IL1RN: variants seen among roughly 807,000 people sequenced by gnomAD.
The protein encoded by IL1RN is interleukin-1 receptor antagonist protein.
Under a neutral mutation model 13.7 loss-of-function variants are expected in IL1RN, and 10 were observed. The ratio of observed to expected loss-of-function variants is 0.73; its 90% confidence interval spans 0.45 to 1.24. IL1RN has a LOEUF of 1.24. IL1RN is among the 50% of genes most tolerant of loss of function. IL1RN has a pLI of 0.00. For synonymous variants in IL1RN, 102 were observed against 82.7 expected (o/e 1.23, Z -1.27); for missense variants, 213 against 222.1 (o/e 0.96, Z 0.26).
upstream of IL1RN, among the ~76,000 whole-genome samples, chr2:113,127,213 T>G (rs4252002): frequency 2.7e-3 from 412 of 152,358 alleles, 1 homozygote; most frequent in African/African-American, 9.4e-3. Flanking sequence ...GACTGTCCCA[T>G]GTGCAGGGAG....
At chr2:113,116,967 T>G (rs1686608975), upstream of IL1RN, among the ~76,000 whole-genome samples, 1 of 152,232 alleles carries the variant, frequency 6.6e-6, no homozygotes, top group East Asian at 1.9e-4. Flanking sequence ...ACTGGTTGGC[T>G]GCAGACCTGG....
chr2:113,124,378 G>T (rs936450453), upstream of IL1RN, among the ~76,000 whole-genome samples: 6 of 152,246 alleles, frequency 3.9e-5, no homozygotes, highest in South Asian at 1.2e-3. Flanking sequence ...GAAGCGTGAG[G>T]AAGAGGGAGA....
chr2:113,120,351 T>G (rs1245406688), intron 2 of IL1RN, among the ~76,000 whole-genome samples: 1 of 151,848 alleles, frequency 6.6e-6, no homozygotes, highest in Non-Finnish European at 1.5e-5. Context: ...TATGTATGTA[T>G]GTATGTATGT....
upstream of IL1RN, among the ~76,000 whole-genome samples, chr2:113,123,511 T>C (rs1686851164): frequency 6.6e-6 from 1 of 152,162 alleles, no homozygotes; most frequent in African/African-American, 2.4e-5. Context: ...CTCTGAATGA[T>C]CTCAAGTCCT....
intron 1 of IL1RN, among the ~76,000 whole-genome samples, chr2:113,111,654 G>A (rs528724613): frequency 6.6e-6 from 1 of 152,304 alleles, no homozygotes; most frequent in South Asian, 2.1e-4. Context: ...CCTACCTCCT[G>A]GCGAATGGAC....
intron 2 of IL1RN, chr2:113,121,647 G>C: frequency 1.0e-6 from 1 of 971,392 alleles, no homozygotes; most frequent in South Asian, 4.8e-5. Context: ...TCTGAGAGGA[G>C]AGTAGCTTCT....
chr2:113,111,244 A>G (rs1191917542), intron 1 of IL1RN: 1 of 152,204 alleles, frequency 6.6e-6, no homozygotes, highest in Non-Finnish European at 1.5e-5. Flanking sequence ...GGGAAAACTG[A>G]ATCTCAAAAA....
chr2:113,126,618 T>C (rs392503), upstream of IL1RN, among the ~76,000 whole-genome samples: 33,465 of 152,198 alleles, frequency 0.22, 4,346 homozygotes, highest in Admixed American at 0.29. Context: ...GAAGTTAATG[T>C]GTATCAGAGC....
intron 2 of IL1RN, among the ~76,000 whole-genome samples, chr2:113,130,558 A>T (rs3087265): frequency 6.6e-6 from 1 of 151,358 alleles, no homozygotes; most frequent in African/African-American, 2.4e-5. Context: ...AAATATGGAC[A>T]TCACATGGAA....
At chr2:113,100,677 A>G in the IL1RN span, among the ~76,000 whole-genome samples, 5 of 152,210 alleles carry the variant, frequency 3.3e-5, no homozygotes, top group Non-Finnish European at 7.3e-5. Context: ...TGGTGCCGAC[A>G]AGAATCAAAT....
At chr2:113,124,564 G>T (rs1573296272), upstream of IL1RN, among the ~76,000 whole-genome samples, 1 of 152,128 alleles carries the variant, frequency 6.6e-6, no homozygotes, top group East Asian at 1.9e-4. Flanking sequence ...CATTGTGCCT[G>T]ATCTCTCCCA....
At chr2:113,124,373 G>A (rs749120935), upstream of IL1RN, among the ~76,000 whole-genome samples, 10 of 152,120 alleles carry the variant, frequency 6.6e-5, no homozygotes, top group African/African-American at 9.7e-5. Context: ...GGCCAGAAGC[G>A]TGAGGAAGAG....
upstream of IL1RN, among the ~76,000 whole-genome samples, chr2:113,102,461 G>A (rs7574427): frequency 0.32 from 47,980 of 152,040 alleles, 8,241 homozygotes; most frequent in Middle Eastern, 0.46. Context: ...CTATTGCAAT[G>A]GTTTGGACAA....
rs1359198270 is a variant in IL1RN at position 113,131,173 on chromosome 2, G to T, written c.318+16G>T. 2.0e-6 allele frequency: 3 copies of T among 1,526,672 alleles called. No homozygotes were observed. Among genetic ancestry groups the T allele is most frequent in the African/African-American group, 2.7e-5 (2 of 73,410 alleles). 94.6% of individuals were successfully genotyped at this position (1,526,672 alleles called of 1,614,324 possible). A position where few individuals can be genotyped will look rare whatever the true frequency, so the allele number is the denominator to read the frequency against. ...CCAGCTGGAGGTAAAAACATGCTTT[G>T]GATCTCAAATCACCCCAAAACCCAG... is the stretch of plus-strand genomic sequence containing the variant. On this transcript the variant is annotated intron_variant, in intron 3 of 3. Coordinates refer to ENST00000409930, the MANE Select transcript of IL1RN (RefSeq NM_173842.3).
chr2:113,121,385 T>C lies in IL1RN; in HGVS notation c.73+1257T>C, dbSNP rs570209243. The C allele has an allele frequency of 1.5e-4, 130 of 860,494 alleles. 2 individuals are homozygous for C. The South Asian group carries it at 6.0e-3, about 40-fold the overall frequency. The allele number at this position is 860,494 out of a possible 1,614,324, so 53.3% of individuals were successfully genotyped here. On this transcript the variant is annotated intron_variant, in intron 2 of 5. Transcript: ENST00000259206. ...AACACAGAGCCTAAACTATAACAGG[T>C]AAGCAACACAGTTGTCCCCTTCCCC...
At position 113,132,658 on chromosome 2, in the gene IL1RN, A is replaced by G; in HGVS notation, c.321A>G (p.Ala107=). ...SGDETRLQLE[A]VNITDLSENR... ...CCTGCCCATCTTTTGATTTCCAGGC[A>G]GTTAACATCACTGACCTGAGCGAGA... The change falls in exon 4 of 4, where the codon GCA becomes GCG. Residue 107 remains alanine, a splice_region_variant and synonymous_variant. Transcript: ENST00000409930. 2 of 1,613,932 alleles carry G rather than the reference A, an allele frequency of 1.2e-6. No individual in the cohort carries two copies. Among genetic ancestry groups the G allele is most frequent in the Non-Finnish European group, 1.7e-6 (2 of 1,179,800 alleles).
intron 3 of IL1RN, 60 bp downstream of exon 3, chr2:113,131,217 A>G (rs1158582066): frequency 1.0e-6 from 1 of 995,914 alleles, no homozygotes; most frequent in Non-Finnish European, 1.6e-6. Context: ...AACAACCAAA[A>G]TTTTTTCTTA....
At chr2:113,109,267 C>A (rs1010027412), upstream of IL1RN, among the ~76,000 whole-genome samples, 1 of 152,018 alleles carries the variant, frequency 6.6e-6, no homozygotes, top group Admixed American at 6.6e-5. Flanking sequence ...TCAAAATTAG[C>A]TGGGTGTGGG....
At chr2:113,114,663 G>A (rs189304812), upstream of IL1RN, among the ~76,000 whole-genome samples, 25 of 152,178 alleles carry the variant, frequency 1.6e-4, no homozygotes, top group Middle Eastern at 3.4e-3. Context: ...GTGTGTGTCT[G>A]TGTTTGTGTG....
Sources: allele counts gnomAD v4.1 joint callset (sites outside exome capture counted in the v4.1 genomes callset), GRCh38; gene constraint gnomAD v4.1.1; transcripts MANE v1.5; gene names NCBI Gene and HGNC (gene_info 2026-07-23, HGNC 2026-07-21).